HPSE2: variants seen among roughly 807,000 people sequenced by gnomAD.
HPSE2 encodes inactive heparanase-2.
A neutral mutation model predicts 60.5 loss-of-function variants in HPSE2; 38 were observed. That is an observed-to-expected ratio of 0.63 (90% confidence interval 0.48 to 0.82). The LOEUF (loss-of-function observed/expected upper bound fraction) is 0.82, where lower values mean the gene tolerates loss of function less well. Ranked by LOEUF, HPSE2 falls within the 40% of genes least tolerant of loss-of-function variation. HPSE2 has a pLI of 0.00. For synonymous variants in HPSE2, 295 were observed against 293.2 expected, an observed-to-expected ratio of 1.01 and a Z score of -0.06; for missense variants, 713 against 740.4, an observed-to-expected ratio of 0.96 and a Z score of 0.43.
At chr10:98,881,134 G>A (rs1044679921) in intron 3 of HPSE2, among the ~76,000 whole-genome samples, 1 of 152,002 alleles carries the variant, frequency 6.6e-6, no homozygotes, top group Non-Finnish European at 1.5e-5. Context: ...TATAGTCTCT[G>A]GCCTCAGCAC....
At chr10:98,781,347 G>C (rs1950464931) in intron 3 of HPSE2, among the ~76,000 whole-genome samples, 2 of 131,810 alleles carry the variant, frequency 1.5e-5, no homozygotes, top group Non-Finnish European at 3.1e-5. Flanking sequence ...GCTTTCCTAA[G>C]CACAAATGAA....
intron 2 of HPSE2, among the ~76,000 whole-genome samples, chr10:99,176,828 C>G (rs531537360): frequency 3.9e-5 from 6 of 151,918 alleles, no homozygotes; most frequent in Admixed American, 2.6e-4. Flanking sequence ...ATCAGATTCA[C>G]CAAGGTTGAA....
At chr10:98,812,433 G>A (rs1951189793) in intron 3 of HPSE2, among the ~76,000 whole-genome samples, 1 of 152,112 alleles carries the variant, frequency 6.6e-6, no homozygotes, top group South Asian at 2.1e-4. Flanking sequence ...AGATTTCTGA[G>A]ACTTCAACCA....
At chr10:98,706,234 G>C (rs1948544489) in intron 5 of HPSE2, among the ~76,000 whole-genome samples, 1 of 152,156 alleles carries the variant, frequency 6.6e-6, no homozygotes, top group South Asian at 2.1e-4. Context: ...ACTGAGGCTA[G>C]GAAGTATAGT....
chr10:98,846,280 A>G (rs1209874285), intron 3 of HPSE2, among the ~76,000 whole-genome samples: 2 of 152,220 alleles, frequency 1.3e-5, no homozygotes, highest in Non-Finnish European at 2.9e-5. Context: ...ACTTCCTGAG[A>G]TTATTATTCA....
chr10:99,169,257 G>T (rs763018656), intron 2 of HPSE2, among the ~76,000 whole-genome samples: 38 of 145,908 alleles, frequency 2.6e-4, no homozygotes, highest in Non-Finnish European at 4.2e-4. Flanking sequence ...TTTAATCCCA[G>T]CACTTTAGGA....
At chr10:99,179,010 G>A (rs914952173) in intron 2 of HPSE2, among the ~76,000 whole-genome samples, 1 of 152,024 alleles carries the variant, frequency 6.6e-6, no homozygotes, top group African/African-American at 2.4e-5. Context: ...CAGAACCAAA[G>A]ACAAAAACCA....
At chr10:99,128,281 A>G (rs1309120422) in intron 3 of HPSE2, among the ~76,000 whole-genome samples, 1 of 152,230 alleles carries the variant, frequency 6.6e-6, no homozygotes, top group Non-Finnish European at 1.5e-5. Flanking sequence ...AATTCCTTAA[A>G]GACCTAGAAC....
chr10:98,727,444 A>T (rs1248746920), intron 4 of HPSE2, among the ~76,000 whole-genome samples: 1 of 152,190 alleles, frequency 6.6e-6, no homozygotes, highest in Non-Finnish European at 1.5e-5. Context: ...TGAGGTCAGG[A>T]TTTTAAGACC....
intron 11 of HPSE2, among the ~76,000 whole-genome samples, chr10:98,475,005 A>C (rs1296980234): frequency 6.6e-6 from 1 of 152,200 alleles, no homozygotes; most frequent in East Asian, 1.9e-4. Flanking sequence ...TAGCAATAGA[A>C]AGATCAAGGG....
At chr10:98,938,180 A>C (rs1235509479) in intron 3 of HPSE2, among the ~76,000 whole-genome samples, 1 of 144,586 alleles carries the variant, frequency 6.9e-6, no homozygotes, top group East Asian at 2.0e-4. Context: ...AAAGCAGAGC[A>C]CCTCTCCTCC....
intron 3 of HPSE2, among the ~76,000 whole-genome samples, chr10:98,937,377 C>T (rs1954833177): frequency 6.9e-6 from 1 of 144,532 alleles, no homozygotes; most frequent in Non-Finnish European, 1.5e-5. Context: ...CGGGTCACTC[C>T]CACCCTAATA....
In HPSE2 at chr10:98,764,404, A is replaced by G. The variant is rs537004551; in HGVS notation, c.611-20348T>C. Among the ~76,000 whole-genome samples, 10 of 152,318 alleles carry G rather than the reference A, an allele frequency of 6.6e-5. No homozygotes were observed. The South Asian group carries it at 2.1e-3, about 32-fold the overall frequency. ...ATAAAAGACAAAAAGAAAGCAAATA[A>G]AAACAAATTTAGAAATCTATAGAAC... is the stretch of plus-strand genomic sequence containing the variant. On this transcript the variant is annotated intron_variant, in intron 3 of 11. Coordinates refer to ENST00000370552, the MANE Select transcript of HPSE2 (RefSeq NM_021828.5).
At chr10:98,954,511 T>C (rs1955454449) in intron 3 of HPSE2, among the ~76,000 whole-genome samples, 1 of 152,174 alleles carries the variant, frequency 6.6e-6, no homozygotes. Flanking sequence ...TTAATGAATG[T>C]TCCTTAGTTT....
intron 3 of HPSE2, among the ~76,000 whole-genome samples, chr10:98,918,115 GAGA>G (rs1448610199): frequency 6.6e-6 from 1 of 152,166 alleles, no homozygotes; most frequent in Non-Finnish European, 1.5e-5. Context: ...AATGAAAATG[GAGA>G]AGATTAAGAT....
rs1366206054 is a variant in HPSE2 at position 99,186,127 on chromosome 10, C to CACACACACACACACAT, written c.449-41729_449-41728insATGTGTGTGTGTGTGT. ...AACCACACACACACACACACACACACACACACACACACACACACACACACA... is the reference window on the plus strand; with the variant it reads ...AACCACACACACACACACACACACACACACACACACACACATACACACACACACACACACACACACA... On this transcript the variant is annotated intron_variant, in intron 2 of 11. Coordinates refer to ENST00000370552, the MANE Select transcript of HPSE2 (RefSeq NM_021828.5). Among the ~76,000 whole-genome samples, 1,067 of 147,520 alleles carry CACACACACACACACAT rather than the reference C, an allele frequency of 7.2e-3. 17 individuals are homozygous for CACACACACACACACAT. Among genetic ancestry groups the CACACACACACACACAT allele is most frequent in the South Asian group, 0.023 (104 of 4,460 alleles).
chr10:98,872,647 C>T (rs1316793690), intron 3 of HPSE2, among the ~76,000 whole-genome samples: 1 of 152,100 alleles, frequency 6.6e-6, no homozygotes, highest in African/African-American at 2.4e-5. Flanking sequence ...TCAGAGCAAC[C>T]AGTGGTACAT....
intron 9 of HPSE2, among the ~76,000 whole-genome samples, chr10:98,526,434 A>C (rs1017664169): frequency 6.6e-6 from 1 of 152,196 alleles, no homozygotes; most frequent in African/African-American, 2.4e-5. Flanking sequence ...TTTGGTTACA[A>C]CACCAACTCC....
intron 6 of HPSE2, among the ~76,000 whole-genome samples, chr10:98,671,397 T>C (rs1350166920): frequency 6.6e-6 from 1 of 152,196 alleles, no homozygotes; most frequent in Non-Finnish European, 1.5e-5. Flanking sequence ...ATTAGCACTC[T>C]ATTACCTACT....
Sources: gnomAD v4.1 joint callset for allele counts (sites outside exome capture counted in the v4.1 genomes callset) on GRCh38, gnomAD v4.1.1 for gene constraint, MANE v1.5 for transcripts, NCBI Gene and HGNC (gene_info 2026-07-23, HGNC 2026-07-21) for gene names.